MARCHF1: variants seen among roughly 807,000 people sequenced by gnomAD.
The protein encoded by MARCHF1 is E3 ubiquitin-protein ligase MARCHF1.
In MARCHF1, 40 loss-of-function variants were observed where a neutral mutation model predicts 54.2. The observed-to-expected ratio is 0.74, with a 90% CI of 0.57 to 0.96. MARCHF1 has a LOEUF of 0.96. Ranked by LOEUF, MARCHF1 falls within the 40% of genes least tolerant of loss-of-function variation. The pLI, the probability that MARCHF1 is intolerant of heterozygous loss-of-function variation, is 0.00. For synonymous variants in MARCHF1, 236 were observed against 236.3 expected, an observed-to-expected ratio of 1.00 and a Z score of 0.01; for missense variants, 586 against 656.5, an observed-to-expected ratio of 0.89 and a Z score of 1.17.
At chr4:163,545,793 T>C in intron 8 of MARCHF1, 50 bp from the exon 9 acceptor site, 2 of 1,577,182 alleles carry the variant, frequency 1.3e-6, no homozygotes, top group South Asian at 2.3e-5. Context: ...CTAGGAAATT[T>C]TGCTCCTCTT....
At chr4:164,323,455 A>T (rs1266600428) in intron 1 of MARCHF1, among the ~76,000 whole-genome samples, 2 of 151,572 alleles carry the variant, frequency 1.3e-5, no homozygotes, top group East Asian at 3.9e-4. Flanking sequence ...AATGTTAATT[A>T]CACTTATTTT....
At chr4:164,221,211 TG>T (rs1732101646) in intron 1 of MARCHF1, among the ~76,000 whole-genome samples, 2 of 152,028 alleles carry the variant, frequency 1.3e-5, no homozygotes, top group Admixed American at 1.3e-4. Context: ...CTTGAGAACA[TG>T]TGGGAAGTAA....
chr4:164,266,638 C>A (rs2111295420), intron 1 of MARCHF1, among the ~76,000 whole-genome samples: 1 of 152,160 alleles, frequency 6.6e-6, no homozygotes, highest in South Asian at 2.1e-4. Flanking sequence ...TATTTATTTT[C>A]TTAGTTCAGA....
intron 2 of MARCHF1, among the ~76,000 whole-genome samples, chr4:164,110,304 A>C (rs918160496): frequency 2.6e-5 from 4 of 151,776 alleles, no homozygotes; most frequent in Non-Finnish European, 5.9e-5. Context: ...CCACTGGGGC[A>C]CCCTTTAAGA....
intron 2 of MARCHF1, among the ~76,000 whole-genome samples, chr4:164,023,715 C>T (rs1199295830): frequency 6.6e-6 from 1 of 152,082 alleles, no homozygotes; most frequent in East Asian, 1.9e-4. Flanking sequence ...ACTAGCTTCC[C>T]AGCAGTAGTT....
At chr4:164,343,235 C>T (rs971129268) in intron 1 of MARCHF1, among the ~76,000 whole-genome samples, 2 of 152,102 alleles carry the variant, frequency 1.3e-5, no homozygotes, top group Non-Finnish European at 2.9e-5. Context: ...TATATCAAAA[C>T]ATTACCTTGT....
At chr4:164,255,370 C>A (rs538075098) in intron 1 of MARCHF1, among the ~76,000 whole-genome samples, 2 of 109,580 alleles carry the variant, frequency 1.8e-5, no homozygotes, top group Non-Finnish European at 3.8e-5. Context: ...ATACAATGAT[C>A]AATGAAAAGG....
intron 1 of MARCHF1, among the ~76,000 whole-genome samples, chr4:164,350,922 G>A (rs904147139): frequency 1.8e-4 from 28 of 152,070 alleles, no homozygotes; most frequent in Non-Finnish European, 3.5e-4. Flanking sequence ...GGCGCGAGCC[G>A]AAGCAGGGCG....
Position 164,334,927 on chromosome 4 carries a change from A to G in MARCHF1, c.-323+48943T>C, listed in dbSNP as rs1729692029. On this transcript the variant is annotated intron_variant, in intron 1 of 9. Coordinates refer to ENST00000514618, the MANE Select transcript of MARCHF1 (RefSeq NM_001394959.1). The stretch of plus-strand genomic sequence containing the variant: ...AGATCAAGACCTCAGAGGAGCAAGT[A>G]ACTGCAGAGGTGGTAGAAATAGAGA... Among the ~76,000 whole-genome samples the G allele has an allele frequency of 3.3e-5, 5 of 152,202 alleles. No individual in the cohort carries two copies. The South Asian group carries it at 1.0e-3, about 31-fold the overall frequency.
At chr4:164,252,435 G>T (rs1733155948) in intron 1 of MARCHF1, among the ~76,000 whole-genome samples, 1 of 152,122 alleles carries the variant, frequency 6.6e-6, no homozygotes, top group African/African-American at 2.4e-5. Flanking sequence ...TTCAACCAAG[G>T]CAGGAAGCCC....
intron 4 of MARCHF1, among the ~76,000 whole-genome samples, chr4:163,843,001 C>T (rs1481076083): frequency 2.6e-5 from 4 of 152,162 alleles, no homozygotes; most frequent in South Asian, 2.1e-4. Flanking sequence ...GTTTTTCAAC[C>T]TATGTCCCCC....
intron 1 of MARCHF1, among the ~76,000 whole-genome samples, chr4:164,121,021 A>G (rs1034157920): frequency 2.0e-5 from 3 of 152,078 alleles, no homozygotes; most frequent in African/African-American, 7.2e-5. Flanking sequence ...GAAATAAAAA[A>G]TATCAAGGAA....
At chr4:164,212,759 T>C (rs1731813262) in intron 1 of MARCHF1, among the ~76,000 whole-genome samples, 1 of 152,106 alleles carries the variant, frequency 6.6e-6, no homozygotes. Flanking sequence ...GAATCCAAGA[T>C]GCTAAGAATT....
intron 5 of MARCHF1, among the ~76,000 whole-genome samples, chr4:163,677,279 T>C (rs1330796630): frequency 6.6e-6 from 1 of 151,988 alleles, no homozygotes; most frequent in Non-Finnish European, 1.5e-5. Flanking sequence ...GCTTCCCCCG[T>C]TATCAGAATA....
chr4:164,273,210 A>G (rs1407264263), intron 1 of MARCHF1, among the ~76,000 whole-genome samples: 1 of 152,126 alleles, frequency 6.6e-6, no homozygotes, highest in East Asian at 1.9e-4. Flanking sequence ...GAAATCTACA[A>G]TCATGGCGGA....
rs1349784519 is a variant in MARCHF1, at chr4:163,926,173, G to A, written c.-39+62328C>T. 4.0e-5 allele frequency among the ~76,000 whole-genome samples: 6 copies of A among 151,608 alleles called. 1 individual carries two copies. Among genetic ancestry groups the A allele is most frequent in the Admixed American group, 3.3e-4 (5 of 15,214 alleles). On this transcript the variant is annotated intron_variant, in intron 3 of 9. Coordinates refer to ENST00000514618, the MANE Select transcript of MARCHF1 (RefSeq NM_001394959.1). ...TTAACAACCTCCTTTGTCCCACAAA[G>A]GCAGCCATTATTCTGACTTCAGAAA...
chr4:163,602,198 A>C (rs1414411076), intron 7 of MARCHF1, among the ~76,000 whole-genome samples: 1 of 152,114 alleles, frequency 6.6e-6, no homozygotes, highest in African/African-American at 2.4e-5. Flanking sequence ...AACATTTATA[A>C]TATACAATGT....
chr4:164,364,582 TTTC>T (rs1408306362), intron 1 of MARCHF1, among the ~76,000 whole-genome samples: 1 of 152,082 alleles, frequency 6.6e-6, no homozygotes, highest in South Asian at 2.1e-4. Context: ...TGTTCTGATT[TTTC>T]TTCATTTTAA....
At position 163,643,951 on chromosome 4, in the gene MARCHF1, A is replaced by G. The variant is rs62334325; in HGVS notation, c.163-30558T>C. On this transcript the variant is annotated intron_variant, in intron 5 of 9. Coordinates refer to ENST00000514618, the MANE Select transcript of MARCHF1 (RefSeq NM_001394959.1). ...AAGGAATGTAAGAGTACAAATGACA[A>G]TAGTATTGTGTAATTGTTTTCCTAT... Among the ~76,000 whole-genome samples, 833 of 152,282 alleles carry G rather than the reference A, an allele frequency of 5.5e-3. 8 individuals are homozygous for G. The highest frequency in any genetic ancestry group is 0.038 in the South Asian group (185 of 4,826).
Sources: gnomAD v4.1 joint callset for allele counts (sites outside exome capture counted in the v4.1 genomes callset) on GRCh38, gnomAD v4.1.1 for gene constraint, MANE v1.5 for transcripts, NCBI Gene and HGNC (gene_info 2026-07-23, HGNC 2026-07-21) for gene names.